SHISA9: variants seen among roughly 807,000 people sequenced by gnomAD.
SHISA9 encodes shisa family member 9.
Under a neutral mutation model 38.0 loss-of-function variants are expected in SHISA9, and 13 were observed. The observed-to-expected ratio is 0.34, with a 90% CI of 0.22 to 0.54. The LOEUF (loss-of-function observed/expected upper bound fraction) is 0.54, where lower values mean the gene tolerates loss of function less well. Ranked by LOEUF, SHISA9 falls within the 20% of genes least tolerant of loss-of-function variation. The probability of loss-of-function intolerance (pLI) is 0.91; values close to 1 mark genes in which losing one functional copy is unlikely to be tolerated. For synonymous variants in SHISA9, 275 were observed against 242.0 expected (o/e 1.14, Z -1.27); for missense variants, 538 against 575.8 (o/e 0.93, Z 0.67).
chr16:13,246,636 G>A, the SHISA9 span, among the ~76,000 whole-genome samples: 3 of 152,118 alleles, frequency 2.0e-5, no homozygotes, highest in South Asian at 2.1e-4. Flanking sequence ...GGGGCTCTGA[G>A]CCTCAGTCAG....
chr16:12,962,861 C>A (rs2071929358), intron 2 of SHISA9, among the ~76,000 whole-genome samples: 1 of 152,170 alleles, frequency 6.6e-6, no homozygotes, highest in Admixed American at 6.5e-5. Context: ...TGGGCCTGAC[C>A]AGGGGTAGCT....
chr16:13,136,743 C>T (rs1353875398), intron 2 of SHISA9, among the ~76,000 whole-genome samples: 1 of 152,122 alleles, frequency 6.6e-6, no homozygotes, highest in East Asian at 1.9e-4. Flanking sequence ...CACCTGATGA[C>T]TCTGGAATAA....
At chr16:13,222,286 G>C (rs1033824420) in intron 4 of SHISA9, among the ~76,000 whole-genome samples, 2 of 152,142 alleles carry the variant, frequency 1.3e-5, no homozygotes, top group African/African-American at 2.4e-5. Context: ...GACCCAAGGA[G>C]AGTAATCCAG....
In SHISA9 at chr16:13,114,532, A is replaced by G. The variant is rs536559575; in HGVS notation, c.692-88862A>G. On this transcript the variant is annotated intron_variant, in intron 2 of 4. Coordinates refer to ENST00000558583, the MANE Select transcript of SHISA9 (RefSeq NM_001145204.3). ...CTAGGTAACAATCACCCAGGTCCCC[A>G]CTACCTCAAATCAATAATTGTTAAC... 1.5e-4 allele frequency among the ~76,000 whole-genome samples: 23 copies of G among 151,150 alleles called. No individual in the cohort carries two copies. In the South Asian group the frequency reaches 4.0e-3, roughly 26 times the overall value.
At chr16:13,359,239 G>T in the SHISA9 span, among the ~76,000 whole-genome samples, 5 of 152,122 alleles carry the variant, frequency 3.3e-5, no homozygotes, top group Non-Finnish European at 7.4e-5. Flanking sequence ...TTTTTTGGGG[G>T]GAGGTCAAGG....
chr16:13,132,062 C>CA (rs1273151210), intron 2 of SHISA9, among the ~76,000 whole-genome samples: 1 of 152,144 alleles, frequency 6.6e-6, no homozygotes, highest in African/African-American at 2.4e-5. Flanking sequence ...AAGCACAGGA[C>CA]AATGTGTCTG....
chr16:13,121,183 T>G (rs1462221039), intron 2 of SHISA9, among the ~76,000 whole-genome samples: 1 of 151,778 alleles, frequency 6.6e-6, no homozygotes, highest in African/African-American at 2.4e-5. Context: ...TAAATTAAAA[T>G]AAATAAATAA....
the SHISA9 span, among the ~76,000 whole-genome samples, chr16:13,302,868 A>G: frequency 6.6e-6 from 1 of 152,096 alleles, no homozygotes; most frequent in South Asian, 2.1e-4. Context: ...ATCGTGAGTG[A>G]GTTCTGACGA....
At chr16:13,498,583 C>T in the SHISA9 span, among the ~76,000 whole-genome samples, 1 of 151,954 alleles carries the variant, frequency 6.6e-6, no homozygotes, top group Admixed American at 6.6e-5. Context: ...ACGGTAAAAC[C>T]CCATCTCTAC....
At chr16:13,337,872 G>A in the SHISA9 span, among the ~76,000 whole-genome samples, 2 of 152,020 alleles carry the variant, frequency 1.3e-5, no homozygotes, top group Admixed American at 6.6e-5. Flanking sequence ...ATGTAAAGAT[G>A]TGCCTGCTTC....
chr16:13,227,780 C>T (rs985609132), intron 4 of SHISA9, among the ~76,000 whole-genome samples: 2 of 152,050 alleles, frequency 1.3e-5, no homozygotes, highest in Admixed American at 1.3e-4. Context: ...AGATCAAGGC[C>T]CCTTTGTGTG....
intron 2 of SHISA9, among the ~76,000 whole-genome samples, chr16:13,003,124 G>A (rs945453329): frequency 6.6e-6 from 1 of 152,186 alleles, no homozygotes; most frequent in African/African-American, 2.4e-5. Context: ...TCAGGAGAAA[G>A]AAGGCCAGTG....
chr16:13,260,298 G>A, the SHISA9 span, among the ~76,000 whole-genome samples: 1 of 151,992 alleles, frequency 6.6e-6, no homozygotes, highest in East Asian at 1.9e-4. Context: ...TTACAGGCAT[G>A]AGCCACCGCG....
intron 2 of SHISA9, among the ~76,000 whole-genome samples, chr16:13,015,866 C>G (rs576676737): frequency 2.4e-5 from 2 of 83,186 alleles, no homozygotes; most frequent in Non-Finnish European, 5.3e-5. Context: ...TTCTTTCTTT[C>G]TTTCTTTCTT....
intron 3 of SHISA9, among the ~76,000 whole-genome samples, chr16:13,212,827 G>A (rs1191215941): frequency 6.6e-6 from 1 of 152,272 alleles, no homozygotes; most frequent in East Asian, 1.9e-4. Flanking sequence ...TTCAGGAGGG[G>A]GATTGCAGTG....
the SHISA9 span, among the ~76,000 whole-genome samples, chr16:13,423,446 A>G: frequency 6.6e-6 from 1 of 152,192 alleles, no homozygotes; most frequent in Non-Finnish European, 1.5e-5. Context: ...ATTTCATTTT[A>G]TAACCTCTGT....
At chr16:13,140,558 C>T (rs532347344) in intron 2 of SHISA9, among the ~76,000 whole-genome samples, 6 of 152,140 alleles carry the variant, frequency 3.9e-5, no homozygotes, top group African/African-American at 1.4e-4. Context: ...TTTATTATAG[C>T]AAGTTCTGCA....
At chr16:13,452,207 G>A in the SHISA9 span, among the ~76,000 whole-genome samples, 1 of 152,212 alleles carries the variant, frequency 6.6e-6, no homozygotes, top group Non-Finnish European at 1.5e-5. Context: ...AACTGTTACA[G>A]AGGGAGGGTG....
In SHISA9 at chr16:12,901,733, T is replaced by G. The variant is rs2071016134; in HGVS notation, c.-332T>G. 6.7e-6 allele frequency: 1 copy of G among 149,334 alleles called. No individual in the cohort carries two copies. The highest frequency in any genetic ancestry group is 2.1e-4 in the South Asian group (1 of 4,764). 9.3% of individuals were successfully genotyped at this position (149,334 alleles called of 1,614,324 possible). ...AGGCGCTGCCAGCCCGATTCTCCTC[T>G]GCTCTCCACCCCCGCCTCACCCAGT... On this transcript the variant is annotated 5_prime_UTR_variant, in exon 1 of 5. Transcript: ENST00000558583.
Sources: gnomAD v4.1 joint callset for allele counts (sites outside exome capture counted in the v4.1 genomes callset) on GRCh38, gnomAD v4.1.1 for gene constraint, MANE v1.5 for transcripts, NCBI Gene and HGNC (gene_info 2026-07-23, HGNC 2026-07-21) for gene names.